QPRT: variants seen among roughly 807,000 people sequenced by gnomAD.
QPRT encodes the protein quinolinate phosphoribosyltransferase.
Under a neutral mutation model 19.8 loss-of-function variants are expected in QPRT, and 17 were observed. The ratio of observed to expected loss-of-function variants is 0.86; its 90% CI spans 0.59 to 1.29. The LOEUF (loss-of-function observed/expected upper bound fraction) is 1.29. Among genes scored for constraint, QPRT ranks in the 50% most tolerant of loss-of-function variants. The pLI, the probability that QPRT is intolerant of heterozygous loss-of-function variation, is 0.00. For missense variants in QPRT, 336 were observed against 405.1 expected (o/e 0.83, Z 1.46); for synonymous variants, 178 against 191.0 (o/e 0.93, Z 0.56).
chr16:29,679,689 C>T (rs1353173668), intron 1 of QPRT, among the ~76,000 whole-genome samples: 1 of 152,046 alleles, frequency 6.6e-6, no homozygotes, highest in Non-Finnish European at 1.5e-5. Flanking sequence ...CAGTCCCAAC[C>T]CCCAACCATG....
At chr16:29,690,895 T>C (rs943475243) in intron 1 of QPRT, among the ~76,000 whole-genome samples, 2 of 152,036 alleles carry the variant, frequency 1.3e-5, no homozygotes, top group African/African-American at 4.8e-5. Flanking sequence ...TTCACCATGT[T>C]GGAGAGGCTG....
At chr16:29,694,138 A>G (rs1373776172) in intron 1 of QPRT, among the ~76,000 whole-genome samples, 1 of 147,960 alleles carries the variant, frequency 6.8e-6, no homozygotes, top group African/African-American at 2.5e-5. Context: ...TTTTTTTTTG[A>G]GACGGAGTCT....
intron 1 of QPRT, among the ~76,000 whole-genome samples, 168 bp downstream of exon 1, chr16:29,679,378 C>A (rs1966923230): frequency 6.6e-6 from 1 of 152,152 alleles, no homozygotes; most frequent in South Asian, 2.1e-4. Context: ...CCTTGCTCAA[C>A]CCCCAGAGGC....
At chr16:29,679,150 C>G, upstream of QPRT, 1 of 1,613,830 alleles carries the variant, frequency 6.2e-7, no homozygotes, top group Non-Finnish European at 8.5e-7. Flanking sequence ...CTCTGGGAGC[C>G]TTGGTCCTGA....
Position 29,697,538 on chromosome 16 carries a change from C to A in QPRT, c.*127C>A. ...GGCACTAGCTTGAGCCCAACTCTGGCTCTGCCACCTGCTGCTCCTGTGACC... is the reference window on the plus strand; with the variant it reads ...GGCACTAGCTTGAGCCCAACTCTGGATCTGCCACCTGCTGCTCCTGTGACC... On this transcript the variant is annotated 3_prime_UTR_variant, in exon 4 of 4. Transcript: ENST00000395384. This position sits in a 1 kb window ranked among gnomAD's most constrained non-coding sequence, Gnocchi z 4.4. The A allele has an allele frequency of 1.1e-6, 1 of 944,916 alleles. No individual in the cohort carries two copies. The highest frequency in any genetic ancestry group is 1.5e-6 in the Non-Finnish European group (1 of 645,994). 58.5% of individuals were successfully genotyped at this position (944,916 alleles called of 1,614,324 possible).
Position 29,694,843 on chromosome 16 carries a change from A to G in QPRT, c.193A>G (p.Thr65Ala). Residue 65 changes from threonine to alanine, a missense_variant, in exon 2 of 4, where the codon ACC becomes GCC. Thr to Ala is a moderately conservative substitution (Grantham distance 58). Coordinates refer to ENST00000395384, the MANE Select transcript of QPRT (RefSeq NM_014298.6). ...AGQPFFDAIF[T>A]QLNCQVSWFL... ...GCAGCCTTTCTTCGATGCCATATTT[A>G]CCCAACTCAACTGCCAAGTCTCCTG... is the stretch of plus-strand genomic sequence containing the variant. 6.2e-7 allele frequency: 1 copy of G among 1,614,034 alleles called. No individual in the cohort carries two copies. The highest frequency in any genetic ancestry group is 8.5e-7 in the Non-Finnish European group (1 of 1,179,936).
Position 29,697,260 on chromosome 16 carries a change from G to C in QPRT, c.743G>C (p.Ser248Thr), listed in dbSNP as rs974977879. The change falls in exon 4 of 4, where the codon AGT becomes ACT. Residue 248 changes from serine to threonine, a missense_variant. Physicochemically the swap from Ser to Thr is moderately conservative, Grantham distance 58. Coordinates refer to ENST00000395384, the MANE Select transcript of QPRT (RefSeq NM_014298.6). This position sits in a 1 kb window ranked among gnomAD's most constrained non-coding sequence, Gnocchi z 4.4. ...AQFPSVAVEA[S>T]GGITLDNLPQ... is the part of the protein sequence containing the mutation. ...TTCCCGAGTGTGGCTGTGGAAGCCA[G>C]TGGGGGCATCACCCTGGACAACCTC... The C allele has an allele frequency of 1.9e-6, 3 of 1,613,952 alleles. No homozygotes were observed. In the African/African-American group the frequency reaches 4.0e-5, roughly 22 times the overall value.
chr16:29,684,381 T>C (rs574437654), intron 1 of QPRT, among the ~76,000 whole-genome samples: 7 of 152,216 alleles, frequency 4.6e-5, no homozygotes, highest in Non-Finnish European at 8.8e-5. Flanking sequence ...CTGCAACCTC[T>C]GCCTCCCAGG....
chr16:29,696,757 G>A (rs1967547775), intron 2 of QPRT: 1 of 447,282 alleles, frequency 2.2e-6, no homozygotes, highest in Non-Finnish European at 4.0e-6. Flanking sequence ...CTCCAGCCTG[G>A]GCGACAGGTT....
chr16:29,685,591 CT>C (rs1967136537), intron 1 of QPRT, among the ~76,000 whole-genome samples: 1 of 152,176 alleles, frequency 6.6e-6, no homozygotes, highest in Admixed American at 6.5e-5. Flanking sequence ...GCCCAGCCTA[CT>C]TTTTGTCTGG....
intron 1 of QPRT, among the ~76,000 whole-genome samples, chr16:29,694,440 G>T (rs1967450506): frequency 6.6e-6 from 1 of 152,040 alleles, no homozygotes; most frequent in East Asian, 1.9e-4. Flanking sequence ...ATTTAACTAG[G>T]TGCCCAGTGA....
intron 1 of QPRT, among the ~76,000 whole-genome samples, chr16:29,684,498 G>A (rs372281759): frequency 9.2e-5 from 14 of 151,962 alleles, no homozygotes; most frequent in Admixed American, 5.9e-4. Context: ...GTTTTGCTAT[G>A]TTGGCCCCGG....
chr16:29,684,399 G>A (rs775622348), intron 1 of QPRT, among the ~76,000 whole-genome samples: 2 of 152,102 alleles, frequency 1.3e-5, no homozygotes, highest in South Asian at 2.1e-4. Context: ...AGGTTCAAGC[G>A]ATTCTCCTGC....
At chr16:29,680,085 G>A (rs1014426413) in intron 1 of QPRT, among the ~76,000 whole-genome samples, 1 of 151,490 alleles carries the variant, frequency 6.6e-6, no homozygotes, top group Non-Finnish European at 1.5e-5. Flanking sequence ...AGCCTCCCGA[G>A]TAGCTGGGAC....
At chr16:29,684,332 G>C (rs1425624086) in intron 1 of QPRT, among the ~76,000 whole-genome samples, 1 of 151,984 alleles carries the variant, frequency 6.6e-6, no homozygotes, top group Non-Finnish European at 1.5e-5. Context: ...TTTTGCTCTT[G>C]TTGCCCAGGC....
intron 1 of QPRT, 127 bp downstream of exon 1, chr16:29,679,337 C>G: frequency 1.5e-6 from 1 of 656,894 alleles, no homozygotes; most frequent in South Asian, 2.0e-5. Context: ...GTCCCGCCAT[C>G]GACTCCCTTA....
rs1967497787 is a variant in QPRT at position 29,695,330 on chromosome 16, CCA to C, written c.549+133_549+134del. 2.8e-6 allele frequency: 3 copies of C among 1,053,270 alleles called. 1 individual carries two copies. The highest frequency in any genetic ancestry group is 2.9e-5 in the Admixed American group (1 of 34,038). 65.2% of individuals were successfully genotyped at this position (1,053,270 alleles called of 1,614,324 possible). A position where few individuals can be genotyped will look rare whatever the true frequency, so the allele number is the denominator to read the frequency against. Reference sequence around the variant, plus strand: ...TGGAGTCAGCAACACAAGACTCTTCCCACCTCAGCTCCTCCATCTGAGCTGGG... The same window carrying C: ...TGGAGTCAGCAACACAAGACTCTTCCCCTCAGCTCCTCCATCTGAGCTGGG... On this transcript the variant is annotated intron_variant, in intron 2 of 3. Coordinates refer to ENST00000395384, the MANE Select transcript of QPRT (RefSeq NM_014298.6).
At chr16:29,680,631 T>C (rs1966972212) in intron 1 of QPRT, among the ~76,000 whole-genome samples, 1 of 152,086 alleles carries the variant, frequency 6.6e-6, no homozygotes, top group East Asian at 1.9e-4. Flanking sequence ...CTTCCATCTG[T>C]AAAATGACAA....
Position 29,697,927 on chromosome 16 carries a change from AGTGAGCTGATG to A in QPRT, c.*520_*530del, listed in dbSNP as rs1374680344. 1 of 149,582 alleles carries A rather than the reference AGTGAGCTGATG, an allele frequency of 6.7e-6. No individual in the cohort carries two copies. The highest frequency in any genetic ancestry group is 1.5e-5 in the Non-Finnish European group (1 of 67,618). 9.3% of individuals were successfully genotyped at this position (149,582 alleles called of 1,614,324 possible). Reference sequence around the variant, plus strand: ...CTTGAACCCAGGAAGTGGAGGTTGCAGTGAGCTGATGGTGCCACTGCACTCCAGCCTGGGTG... The same window carrying A: ...CTTGAACCCAGGAAGTGGAGGTTGCAGTGCCACTGCACTCCAGCCTGGGTG... On this transcript the variant is annotated 3_prime_UTR_variant, in exon 4 of 4. Coordinates refer to ENST00000395384, the MANE Select transcript of QPRT (RefSeq NM_014298.6). This position sits in a 1 kb window ranked among gnomAD's most constrained non-coding sequence, Gnocchi z 4.4.
Sources: allele counts gnomAD v4.1 joint callset (sites outside exome capture counted in the v4.1 genomes callset), GRCh38; gene constraint gnomAD v4.1.1; non-coding constraint Gnocchi (gnomAD v3.1); transcripts MANE v1.5; gene names NCBI Gene and HGNC (gene_info 2026-07-23, HGNC 2026-07-21).